MAST4: variants seen among roughly 807,000 people sequenced by gnomAD.
The protein encoded by MAST4 is microtubule-associated serine/threonine-protein kinase 4.
Under a neutral mutation model 162.7 loss-of-function variants are expected in MAST4, and 89 were observed. The ratio of observed to expected loss-of-function variants is 0.55; its 90% CI spans 0.46 to 0.65. The LOEUF (loss-of-function observed/expected upper bound fraction) is 0.65, where lower values mean the gene tolerates loss of function less well. Among genes scored for constraint, MAST4 ranks in the 30% least tolerant of loss-of-function variants. The probability of loss-of-function intolerance (pLI) is 0.00; values close to 1 mark genes in which losing one functional copy is unlikely to be tolerated. For missense variants in MAST4, 3,153 were observed against 3,374.0 expected, an observed-to-expected ratio of 0.93 and a Z score of 1.62; for synonymous variants, 1,479 against 1,361.1, an observed-to-expected ratio of 1.09 and a Z score of -1.91.
intron 5 of MAST4, among the ~76,000 whole-genome samples, chr5:67,062,275 G>C (rs1180042881): frequency 3.9e-5 from 6 of 152,072 alleles, no homozygotes; most frequent in Non-Finnish European, 7.4e-5. Flanking sequence ...GCACATACCT[G>C]TAGTCCCAGC....
chr5:66,892,945 A>G (rs1762451284), intron 3 of MAST4, among the ~76,000 whole-genome samples: 1 of 152,268 alleles, frequency 6.6e-6, no homozygotes, highest in African/African-American at 2.4e-5. Context: ...ATCTTAATAA[A>G]CCACACTAGA....
At chr5:66,819,429 T>C (rs1756884675) in intron 3 of MAST4, among the ~76,000 whole-genome samples, 1 of 152,146 alleles carries the variant, frequency 6.6e-6, no homozygotes, top group Admixed American at 6.5e-5. Context: ...ACGTAATGCC[T>C]CTAGGTAGAC....
At chr5:66,859,823 C>T (rs1311023016) in intron 3 of MAST4, among the ~76,000 whole-genome samples, 1 of 152,198 alleles carries the variant, frequency 6.6e-6, no homozygotes, top group Non-Finnish European at 1.5e-5. Context: ...TGCCGTGCTG[C>T]CTAAGGGCCC....
intron 3 of MAST4, among the ~76,000 whole-genome samples, chr5:66,896,456 T>A (rs1357086893): frequency 6.6e-6 from 1 of 152,148 alleles, no homozygotes; most frequent in Non-Finnish European, 1.5e-5. Context: ...TGGAAGTGAG[T>A]CACTAGGTCC....
rs570315469 is a variant in MAST4 at position 66,952,577 on chromosome 5, A to G, written c.674+52595A>G. 2.3e-4 allele frequency among the ~76,000 whole-genome samples: 35 copies of G among 152,208 alleles called. No individual in the cohort carries two copies. The East Asian group carries it at 6.0e-3, about 26-fold the overall frequency. On this transcript the variant is annotated intron_variant, in intron 4 of 28. Coordinates refer to ENST00000403625, the MANE Select transcript of MAST4 (RefSeq NM_001164664.2). ...TCTCCCTGCTTCGCCAAATGATACA[A>G]TCCTTGAGACCCAAACTTGCATATG...
intron 5 of MAST4, among the ~76,000 whole-genome samples, chr5:67,077,507 A>G (rs1286292498): frequency 6.6e-6 from 1 of 152,176 alleles, no homozygotes; most frequent in East Asian, 1.9e-4. Context: ...TGCCCTAAAG[A>G]GTATTGCCAG....
In MAST4 at chr5:67,163,285, A is replaced by G; in HGVS notation, c.4106A>G (p.Lys1369Arg). ...CAGCGGTACCGGTCCGGAAGGCGAA[A>G]GTCCGCCGGCAACATCCCACTGTCC... ...GGQRYRSGRR[K>R]SAGNIPLSPL... Residue 1369 changes from lysine (K) to arginine (R), a missense_variant, in exon 29 of 29, where the codon AAG (lysine) becomes AGG (arginine). By Grantham distance (26) the Lys-to-Arg change is conservative. Coordinates refer to ENST00000403625, the MANE Select transcript of MAST4 (RefSeq NM_001164664.2). The surrounding 1 kb of genome is among the most constrained non-coding windows in gnomAD (Gnocchi z 7.0). 6.2e-7 allele frequency: 1 copy of G among 1,613,342 alleles called. No homozygotes were observed. Among genetic ancestry groups the G allele is most frequent in the East Asian group, 2.2e-5 (1 of 44,834 alleles).
rs200165619 is a variant in MAST4 at position 67,144,763 on chromosome 5, A to G, written c.2825A>G (p.Glu942Gly). 5.6e-5 allele frequency: 91 copies of G among 1,613,364 alleles called. No individual in the cohort carries two copies. In the African/African-American group the frequency reaches 1.1e-3, roughly 19 times the overall value. ...KTKSTTLPST[E>G]TLSWSSEYSE... ...AAAAGCACCACCTTGCCATCCACAG[A>G]AACACTGAGCTGGAGTTCAGAATAT... The change falls in exon 22 of 29, where the codon GAA becomes GGA. Residue 942 changes from glutamate (E) to glycine (G), a missense_variant. By Grantham distance (98) the Glu-to-Gly change is moderately conservative. Coordinates refer to ENST00000403625, the MANE Select transcript of MAST4 (RefSeq NM_001164664.2).
chr5:66,909,077 A>T (rs1342977430), intron 4 of MAST4, among the ~76,000 whole-genome samples: 1 of 152,206 alleles, frequency 6.6e-6, no homozygotes, highest in Non-Finnish European at 1.5e-5. Context: ...TGAGTTAGAC[A>T]AAAGACCACA....
At chr5:66,984,801 A>G (rs571689671) in intron 4 of MAST4, among the ~76,000 whole-genome samples, 1 of 151,978 alleles carries the variant, frequency 6.6e-6, no homozygotes, top group African/African-American at 2.4e-5. Context: ...AAAAACAAGG[A>G]TGGGTCCTAG....
intron 1 of MAST4, among the ~76,000 whole-genome samples, chr5:66,638,630 T>G (rs1317417436): frequency 2.0e-5 from 3 of 152,222 alleles, no homozygotes; most frequent in Non-Finnish European, 4.4e-5. Flanking sequence ...TAAATAATTT[T>G]GGGTAGCAAA....
intron 16 of MAST4, among the ~76,000 whole-genome samples, chr5:67,132,756 T>C (rs1215857744): frequency 6.6e-6 from 1 of 152,050 alleles, no homozygotes; most frequent in Non-Finnish European, 1.5e-5. Context: ...TTAAGTATGC[T>C]GAAAAGTTTA....
intron 5 of MAST4, among the ~76,000 whole-genome samples, chr5:67,073,992 A>G (rs921698868): frequency 3.3e-5 from 5 of 152,188 alleles, no homozygotes; most frequent in Admixed American, 3.3e-4. Flanking sequence ...AAATTCTGTA[A>G]GTTAAAAAAT....
At chr5:66,957,058 G>A (rs1745400876) in intron 4 of MAST4, among the ~76,000 whole-genome samples, 3 of 152,114 alleles carry the variant, frequency 2.0e-5, no homozygotes, top group Admixed American at 1.3e-4. Context: ...GGAAACTGAA[G>A]TGAAAATGTA....
At chr5:66,828,433 G>A (rs951668628) in intron 3 of MAST4, among the ~76,000 whole-genome samples, 5 of 152,126 alleles carry the variant, frequency 3.3e-5, no homozygotes, top group Admixed American at 1.3e-4. Context: ...GTCTGTCACC[G>A]CTGATTTACT....
chr5:66,824,903 A>G (rs1332550277), intron 3 of MAST4, among the ~76,000 whole-genome samples: 1 of 152,218 alleles, frequency 6.6e-6, no homozygotes, highest in Admixed American at 6.5e-5. Flanking sequence ...TAGGGCACAT[A>G]TGAATGGAGC....
In MAST4 at chr5:66,948,190, C is replaced by T. The variant is rs1163488064; in HGVS notation, c.674+48208C>T. On this transcript the variant is annotated intron_variant, in intron 4 of 28. Coordinates refer to ENST00000403625, the MANE Select transcript of MAST4 (RefSeq NM_001164664.2). ...AGCAGTTAGAAAAGGAAAGGCAAGA[C>T]GAGAACCCGTGCCACATTCCGAATT... is the stretch of plus-strand genomic sequence containing the variant. Among the ~76,000 whole-genome samples, 9 of 152,200 alleles carry T rather than the reference C, an allele frequency of 5.9e-5. No individual in the cohort carries two copies. The East Asian group carries it at 1.2e-3, about 20-fold the overall frequency.
chr5:66,839,084 G>A (rs1027155758), intron 3 of MAST4, among the ~76,000 whole-genome samples: 2 of 152,152 alleles, frequency 1.3e-5, no homozygotes, highest in Non-Finnish European at 2.9e-5. Context: ...ATGGAGAAAG[G>A]CAACTGAAGG....
intron 3 of MAST4, among the ~76,000 whole-genome samples, chr5:66,847,937 T>G (rs1259854603): frequency 6.6e-6 from 1 of 151,742 alleles, no homozygotes; most frequent in Non-Finnish European, 1.5e-5. Flanking sequence ...AGGCCAAGAC[T>G]TGGAAAGAAA....
Sources: allele counts gnomAD v4.1 joint callset (sites outside exome capture counted in the v4.1 genomes callset), GRCh38; gene constraint gnomAD v4.1.1; non-coding constraint Gnocchi (gnomAD v3.1); transcripts MANE v1.5; gene names NCBI Gene and HGNC (gene_info 2026-07-23, HGNC 2026-07-21).